Variants in PCDH7 observed in about 807,000 individuals in gnomAD.
PCDH7 encodes the protein protocadherin-7.
PCDH7 carries 17 observed loss-of-function variants against 58.9 expected under a neutral mutation model. The ratio of observed to expected loss-of-function variants is 0.29; its 90% confidence interval spans 0.20 to 0.43. The LOEUF (loss-of-function observed/expected upper bound fraction) is 0.43, where lower values mean the gene tolerates loss of function less well. Among genes scored for constraint, PCDH7 ranks in the 20% least tolerant of loss-of-function variants. The probability of loss-of-function intolerance (pLI) is 1.00; values close to 1 mark genes in which losing one functional copy is unlikely to be tolerated. For synonymous variants in PCDH7, 664 were observed against 616.4 expected (o/e 1.08, Z -1.14); for missense variants, 1,274 against 1,441.0 (o/e 0.88, Z 1.88).
At chr4:30,833,552 C>T (rs73213202) in intron 1 of PCDH7, among the ~76,000 whole-genome samples, 13,151 of 152,170 alleles carry the variant, frequency 0.086, 751 homozygotes, top group Non-Finnish European at 0.12. Context: ...TTCCAGCTGT[C>T]GTCTTAGTCC....
intron 1 of PCDH7, among the ~76,000 whole-genome samples, chr4:30,848,898 T>A (rs538115008): frequency 2.0e-5 from 3 of 152,198 alleles, no homozygotes; most frequent in South Asian, 4.1e-4. Context: ...ACTATTTTCT[T>A]TCCTCAAGAC....
At chr4:30,725,265 A>G (rs1714453826) in intron 1 of PCDH7, 1 of 993,398 alleles carries the variant, frequency 1.0e-6, no homozygotes, top group Non-Finnish European at 1.2e-6. Context: ...ATGATATGCA[A>G]TTACCATTTG....
intron 3 of PCDH7, among the ~76,000 whole-genome samples, chr4:30,989,230 A>C (rs565641436): frequency 2.2e-4 from 33 of 152,274 alleles, no homozygotes; most frequent in African/African-American, 7.7e-4. Context: ...TGTCACAAGA[A>C]TGGTGTAAAT....
chr4:31,118,199 C>A (rs754163786), intron 3 of PCDH7, among the ~76,000 whole-genome samples: 6 of 152,134 alleles, frequency 3.9e-5, no homozygotes, highest in African/African-American at 7.2e-5. Flanking sequence ...ACCCATGGTT[C>A]TTTTAAAAAT....
At chr4:30,827,097 A>G (rs1729191069) in intron 1 of PCDH7, among the ~76,000 whole-genome samples, 1 of 152,182 alleles carries the variant, frequency 6.6e-6, no homozygotes, top group Admixed American at 6.6e-5. Context: ...CCACATATTT[A>G]ACCCATATAA....
chr4:30,940,517 A>G (rs1375731784), intron 2 of PCDH7, among the ~76,000 whole-genome samples: 2 of 152,060 alleles, frequency 1.3e-5, no homozygotes, highest in Admixed American at 6.6e-5. Context: ...TGCATTATGT[A>G]TAAATAGAGT....
chr4:31,126,818 G>T (rs1216453917), intron 3 of PCDH7, among the ~76,000 whole-genome samples: 1 of 152,144 alleles, frequency 6.6e-6, no homozygotes. Flanking sequence ...CTTTAGTGAT[G>T]ATTTCTATTG....
chr4:30,880,017 C>T (rs2109369842), intron 1 of PCDH7, among the ~76,000 whole-genome samples: 2 of 152,186 alleles, frequency 1.3e-5, no homozygotes, highest in Middle Eastern at 3.4e-3. Context: ...CACTTCATAA[C>T]CCAATGTTTG....
chr4:30,891,757 T>C (rs1013858284), intron 1 of PCDH7, among the ~76,000 whole-genome samples: 2 of 131,064 alleles, frequency 1.5e-5, no homozygotes, highest in Non-Finnish European at 3.2e-5. Context: ...GTTGATTCTC[T>C]GAGGGTTGTT....
At chr4:31,110,885 C>T (rs908523703) in intron 3 of PCDH7, among the ~76,000 whole-genome samples, 4 of 150,964 alleles carry the variant, frequency 2.6e-5, no homozygotes, top group Admixed American at 1.3e-4. Flanking sequence ...ACTGCACTTC[C>T]GCCTGGATGA....
chr4:30,785,372 C>T (rs1278432265), intron 1 of PCDH7, among the ~76,000 whole-genome samples: 1 of 151,944 alleles, frequency 6.6e-6, no homozygotes, highest in African/African-American at 2.4e-5. Flanking sequence ...CTGAAACTTA[C>T]AATTTAAATC....
intron 1 of PCDH7, among the ~76,000 whole-genome samples, chr4:30,881,527 T>C (rs2109371338): frequency 6.6e-6 from 1 of 152,204 alleles, no homozygotes; most frequent in Middle Eastern, 3.4e-3. Context: ...CTAGCACAAA[T>C]TAGGAAGCAA....
At chr4:30,986,066 A>T (rs1750938545) in intron 3 of PCDH7, among the ~76,000 whole-genome samples, 1 of 152,222 alleles carries the variant, frequency 6.6e-6, no homozygotes. Flanking sequence ...GAAAAGCAGG[A>T]TAATTTTTAC....
chr4:30,738,711 T>G (rs1005059971), intron 1 of PCDH7, among the ~76,000 whole-genome samples: 3 of 152,218 alleles, frequency 2.0e-5, no homozygotes, highest in Non-Finnish European at 4.4e-5. Context: ...GCAATATTCA[T>G]ATTTAGTCTT....
chr4:31,074,232 T>G (rs1243445306), intron 3 of PCDH7, among the ~76,000 whole-genome samples: 1 of 151,334 alleles, frequency 6.6e-6, no homozygotes, highest in African/African-American at 2.4e-5. Flanking sequence ...TCTCCTTCTA[T>G]CTCACATCCC....
At chr4:30,756,723 C>T (rs148140403) in intron 1 of PCDH7, among the ~76,000 whole-genome samples, 29 of 152,300 alleles carry the variant, frequency 1.9e-4, no homozygotes, top group Non-Finnish European at 4.1e-4. Flanking sequence ...TGTTCAGTCT[C>T]TCTCCCCATT....
intron 1 of PCDH7, among the ~76,000 whole-genome samples, chr4:30,832,818 G>T (rs914797517): frequency 1.3e-5 from 2 of 152,132 alleles, no homozygotes; most frequent in Non-Finnish European, 2.9e-5. Flanking sequence ...GAGTAAGATG[G>T]ATAAATATAT....
At chr4:30,752,783 CA>C (rs35860745) in intron 1 of PCDH7, among the ~76,000 whole-genome samples, 12,032 of 99,750 alleles carry the variant, frequency 0.12, 204 homozygotes, top group African/African-American at 0.13. Flanking sequence ...CCTGTAGGGG[CA>C]AAAAAAAAAA....
At chr4:30,904,285 C>G (rs1740619604) in intron 1 of PCDH7, among the ~76,000 whole-genome samples, 1 of 152,160 alleles carries the variant, frequency 6.6e-6, no homozygotes. Flanking sequence ...ATCAAGGGGG[C>G]TGGCAAATCA....
Sources: gnomAD v4.1 joint callset for allele counts (sites outside exome capture counted in the v4.1 genomes callset) on GRCh38, gnomAD v4.1.1 for gene constraint, MANE v1.5 for transcripts, NCBI Gene and HGNC (gene_info 2026-07-23, HGNC 2026-07-21) for gene names.